Variants in TNRC18 observed in about 807,000 individuals in gnomAD.
TNRC18 encodes trinucleotide repeat containing 18.
Under a neutral mutation model 226.7 loss-of-function variants are expected in TNRC18, and 69 were observed. The observed-to-expected ratio is 0.30, with a 90% CI of 0.25 to 0.37. The LOEUF (loss-of-function observed/expected upper bound fraction) is 0.37. Among genes scored for constraint, TNRC18 ranks in the 10% least tolerant of loss-of-function variants. TNRC18 has a pLI of 1.00. For synonymous variants in TNRC18, 2,449 were observed against 1,927.6 expected (o/e 1.27, Z -7.09); for missense variants, 4,754 against 4,256.6 (o/e 1.12, Z -3.25).
At position 5,394,801 on chromosome 7, in the gene TNRC18, A is replaced by C. The variant is rs908895850; in HGVS notation, c.188-206T>G. On this transcript the variant is annotated intron_variant, in intron 2 of 29. Transcript: ENST00000430969. This position sits in a 1 kb window ranked among gnomAD's most constrained non-coding sequence, Gnocchi z 4.5. Reference sequence around the variant, plus strand: ...GTCCTGGATCAACCCAACCAGACCCAGGGCTTGAGAAAGCACAATACGGCA... The same window carrying C: ...GTCCTGGATCAACCCAACCAGACCCCGGGCTTGAGAAAGCACAATACGGCA... Among the ~76,000 whole-genome samples the C allele has an allele frequency of 6.6e-6, 1 of 151,988 alleles. No individual in the cohort carries two copies. Among genetic ancestry groups the C allele is most frequent in the African/African-American group, 2.4e-5 (1 of 41,388 alleles).
chr7:5,320,728 G>C lies in TNRC18; in HGVS notation c.6561-121C>G, dbSNP rs184327185. ...AGGTAACACCAGGACTCAGAGGTTTGCTGACTTGCTGAATTTGGGAATTCT... is the reference window on the plus strand; with the variant it reads ...AGGTAACACCAGGACTCAGAGGTTTCCTGACTTGCTGAATTTGGGAATTCT... On this transcript the variant is annotated intron_variant, in intron 22 of 29. Transcript: ENST00000430969. The C allele has an allele frequency of 6.2e-6, 5 of 804,970 alleles. No individual in the cohort carries two copies. In the South Asian group the frequency reaches 7.1e-5, roughly 11 times the overall value. 49.9% of individuals were successfully genotyped at this position (804,970 alleles called of 1,614,324 possible).
At chr7:5,405,742 T>A (rs1305129894) in intron 2 of TNRC18, among the ~76,000 whole-genome samples, 1 of 151,836 alleles carries the variant, frequency 6.6e-6, no homozygotes, top group Non-Finnish European at 1.5e-5. Context: ...AGACTCTGTC[T>A]CAAAAACAAA....
At position 5,307,879 on chromosome 7, in the gene TNRC18, G is replaced by T; in HGVS notation, c.*227C>A. The T allele has an allele frequency of 1.7e-6, 1 of 577,112 alleles. No homozygotes were observed. The highest frequency in any genetic ancestry group is 3.1e-6 in the Non-Finnish European group (1 of 321,770). The allele number at this position is 577,112 out of a possible 1,614,324, so 35.7% of individuals were successfully genotyped here. ...ATAGCTAAGAGGGGCCCCTGTCCTG[G>T]GGGCACTGAGGGGTTGGAAGGTGGG... On this transcript the variant is annotated 3_prime_UTR_variant, in exon 30 of 30. Coordinates refer to ENST00000430969, the MANE Select transcript of TNRC18 (RefSeq NM_001080495.3).
intron 2 of TNRC18, among the ~76,000 whole-genome samples, chr7:5,417,260 G>A (rs1053520388): frequency 1.3e-5 from 2 of 152,142 alleles, no homozygotes; most frequent in African/African-American, 4.8e-5. Context: ...TTGAGCCCAG[G>A]AGTTCAACAC....
chr7:5,415,795 A>G (rs1782147401), intron 2 of TNRC18, among the ~76,000 whole-genome samples: 2 of 151,928 alleles, frequency 1.3e-5, no homozygotes, highest in South Asian at 4.2e-4. Flanking sequence ...CACTGTTGGG[A>G]AATTTTCACT....
intron 26 of TNRC18, 74 bp downstream of exon 26, chr7:5,314,910 G>T (rs1017445985): frequency 1.4e-6 from 2 of 1,472,268 alleles, no homozygotes; most frequent in Non-Finnish European, 9.1e-7. Context: ...ACTTCGGCAG[G>T]TTCCCAAGCC....
At chr7:5,310,806 G>A (rs542062736) in intron 27 of TNRC18, among the ~76,000 whole-genome samples, 45 of 152,350 alleles carry the variant, frequency 3.0e-4, no homozygotes, top group Non-Finnish European at 5.3e-4. Flanking sequence ...CCTACAGCAC[G>A]TTGGGGGCTC....
rs530179058 is a variant in TNRC18, at chr7:5,402,355, G to A, written c.188-7760C>T. On this transcript the variant is annotated intron_variant, in intron 2 of 29. Coordinates refer to ENST00000430969, the MANE Select transcript of TNRC18 (RefSeq NM_001080495.3). ...TTGAGACCAGCCTGGGCAACACGGT[G>A]AAACTCCATCTCTACAAAAATTAAA... is the stretch of plus-strand genomic sequence containing the variant. 2.6e-5 allele frequency among the ~76,000 whole-genome samples: 4 copies of A among 151,510 alleles called. No homozygotes were observed. The East Asian group carries it at 7.8e-4, about 30-fold the overall frequency.
chr7:5,371,428 A>C, intron 10 of TNRC18, 64 bp from the exon 11 acceptor site: 5 of 1,433,340 alleles, frequency 3.5e-6, no homozygotes, highest in Non-Finnish European at 4.6e-6. Context: ...CCCCACTGAC[A>C]CCCGCCCACC....
intron 19 of TNRC18, 93 bp from the exon 20 acceptor site, chr7:5,325,341 G>A (rs1172314286): frequency 3.5e-6 from 5 of 1,428,356 alleles, no homozygotes; most frequent in African/African-American, 1.5e-5. Flanking sequence ...CCCAAGTTCT[G>A]TGCCACCCCA....
intron 29 of TNRC18, among the ~76,000 whole-genome samples, chr7:5,308,516 A>G (rs1300875255): frequency 6.6e-6 from 1 of 152,146 alleles, no homozygotes; most frequent in Non-Finnish European, 1.5e-5. Context: ...AGAGACAAGG[A>G]TAGACAGACC....
At chr7:5,407,647 G>A (rs951575782) in intron 2 of TNRC18, among the ~76,000 whole-genome samples, 3 of 152,212 alleles carry the variant, frequency 2.0e-5, no homozygotes, top group East Asian at 1.9e-4. Flanking sequence ...ATAAGTGTTC[G>A]AATTTAAATA....
At chr7:5,398,417 G>A (rs1048883766) in intron 2 of TNRC18, among the ~76,000 whole-genome samples, 1 of 152,174 alleles carries the variant, frequency 6.6e-6, no homozygotes, top group Non-Finnish European at 1.5e-5. Context: ...TGATCCACCC[G>A]CCTCATCCTC....
Position 5,385,494 on chromosome 7 carries a change from CAAAAA to C in TNRC18, c.2152+2173_2152+2177del, listed in dbSNP as rs60919833. Among the ~76,000 whole-genome samples, 148 of 88,088 alleles carry C rather than the reference CAAAAA, an allele frequency of 1.7e-3. 1 individual carries two copies. Among genetic ancestry groups the C allele is most frequent in the African/African-American group, 4.7e-3 (133 of 28,092 alleles). The allele number at this position is 88,088 out of a possible 152,430, so 57.8% of individuals were successfully genotyped here. A position where few individuals can be genotyped will look rare whatever the true frequency, so the allele number is the denominator to read the frequency against. ...TGGGCGACAGAGCGAGACTCCGTCTCAAAAAAAAAAAAAAAAAAAAAAAGAAAAAA... is the reference window on the plus strand; with the variant it reads ...TGGGCGACAGAGCGAGACTCCGTCTCAAAAAAAAAAAAAAAAAAGAAAAAA... On this transcript the variant is annotated intron_variant, in intron 5 of 29. Coordinates refer to ENST00000430969, the MANE Select transcript of TNRC18 (RefSeq NM_001080495.3).
At position 5,309,382 on chromosome 7, in the gene TNRC18, T is replaced by C. The variant is rs775629086; in HGVS notation, c.8389-14A>G. The stretch of plus-strand genomic sequence containing the variant: ...CATGCCACGCCGCTGCAAGGACACG[T>C]GTGTCACGGCACAGGCCCTGGCCCA... On this transcript the variant is annotated splice_polypyrimidine_tract_variant and intron_variant, in intron 27 of 29. Transcript: ENST00000430969. The surrounding 1 kb of genome is among the most constrained non-coding windows in gnomAD (Gnocchi z 5.7). The C allele has an allele frequency of 2.5e-6, 4 of 1,597,344 alleles. No homozygotes were observed. The South Asian group carries it at 4.5e-5, about 18-fold the overall frequency.
chr7:5,333,137 CG>C, intron 18 of TNRC18, 88 bp from the exon 19 acceptor site: 8 of 1,434,862 alleles, frequency 5.6e-6, no homozygotes, highest in Non-Finnish European at 7.6e-6. Context: ...TCCTCCCCGG[CG>C]GGACCTCCCC....
chr7:5,394,292 G>C lies in TNRC18; in HGVS notation c.343+148C>G, dbSNP rs1317733775. 3 of 686,468 alleles carry C rather than the reference G, an allele frequency of 4.4e-6. No homozygotes were observed. The highest frequency in any genetic ancestry group is 6.9e-6 in the Non-Finnish European group (3 of 434,142). The allele number at this position is 686,468 out of a possible 1,614,324, so 42.5% of individuals were successfully genotyped here. On this transcript the variant is annotated intron_variant, in intron 3 of 29. Coordinates refer to ENST00000430969, the MANE Select transcript of TNRC18 (RefSeq NM_001080495.3). This position sits in a 1 kb window ranked among gnomAD's most constrained non-coding sequence, Gnocchi z 4.5. The stretch of plus-strand genomic sequence containing the variant: ...TGTGACAGTGACAAGAAGAAGCCCT[G>C]AGCGTTTGAGAAACAACAGGGAAGC...
intron 2 of TNRC18, among the ~76,000 whole-genome samples, chr7:5,410,564 T>C (rs1584110487): frequency 6.6e-6 from 1 of 151,898 alleles, no homozygotes; most frequent in Admixed American, 6.6e-5. Flanking sequence ...AGAACAGTGA[T>C]GAAGAATAAC....
In TNRC18 at chr7:5,308,890, C is replaced by T. The variant is rs773811493; in HGVS notation, c.8685G>A (p.Arg2895=). ...CACCACCTACCTCCATGAAGTCCTT[C>T]CTCTGGCTGGAGACCCGCAGGGCCG... ...LPAALRVSSQ[R]KDFMERALYQ... The change falls in exon 29 of 30, where the codon AGG becomes AGA. Residue 2895 remains arginine (R), a synonymous_variant. Transcript: ENST00000430969. 9.5e-6 allele frequency: 13 copies of T among 1,363,930 alleles called. No homozygotes were observed. Among genetic ancestry groups the T allele is most frequent in the East Asian group, 4.3e-5 (1 of 23,064 alleles). 84.5% of individuals were successfully genotyped at this position (1,363,930 alleles called of 1,614,324 possible). A position where few individuals can be genotyped will look rare whatever the true frequency, so the allele number is the denominator to read the frequency against.
Sources: gnomAD v4.1 joint callset for allele counts (sites outside exome capture counted in the v4.1 genomes callset) on GRCh38, gnomAD v4.1.1 for gene constraint, Gnocchi (gnomAD v3.1) non-coding constraint, MANE v1.5 for transcripts, NCBI Gene and HGNC (gene_info 2026-07-23, HGNC 2026-07-21) for gene names.